The following MERTK variants were observed in gnomAD, a reference collection of about 807,000 sequenced individuals.
MERTK encodes the protein tyrosine-protein kinase Mer.
A neutral mutation model predicts 99.3 loss-of-function variants in MERTK; 69 were observed. The ratio of observed to expected loss-of-function variants is 0.70; its 90% CI spans 0.57 to 0.85. The LOEUF (loss-of-function observed/expected upper bound fraction) is 0.85, where lower values mean the gene tolerates loss of function less well. Among genes scored for constraint, MERTK ranks in the 40% least tolerant of loss-of-function variants. The pLI is 0.00. For missense variants in MERTK, 1,125 were observed against 1,249.4 expected (o/e 0.90, Z 1.50); for synonymous variants, 426 against 467.6 (o/e 0.91, Z 1.15).
At chr2:111,948,870 G>C (rs982819447) in intron 4 of MERTK, among the ~76,000 whole-genome samples, 1 of 151,972 alleles carries the variant, frequency 6.6e-6, no homozygotes, top group African/African-American at 2.4e-5. Flanking sequence ...TCTCCCTTCT[G>C]TCTTAGACTG....
chr2:111,909,916 C>G (rs1041242109), intron 1 of MERTK, among the ~76,000 whole-genome samples: 17 of 152,170 alleles, frequency 1.1e-4, no homozygotes, highest in African/African-American at 3.4e-4. Context: ...CCTGTAATTG[C>G]ACTACTGGTC....
intron 4 of MERTK, among the ~76,000 whole-genome samples, chr2:111,955,681 T>C (rs1685134933): frequency 6.6e-6 from 1 of 152,204 alleles, no homozygotes; most frequent in African/African-American, 2.4e-5. Context: ...GATCTTATCA[T>C]TGGGTAAAGC....
At chr2:111,982,794 G>C in intron 7 of MERTK, 48 bp from the exon 8 acceptor site, 1 of 1,602,264 alleles carries the variant, frequency 6.2e-7, no homozygotes. Context: ...GAATACATCT[G>C]TGTGTGCTTT....
chr2:111,969,284 A>T (rs1169821793), intron 6 of MERTK, among the ~76,000 whole-genome samples: 2 of 152,188 alleles, frequency 1.3e-5, no homozygotes, highest in African/African-American at 4.8e-5. Flanking sequence ...ACCAGAACTC[A>T]AGTCCAGGAA....
intron 15 of MERTK, among the ~76,000 whole-genome samples, chr2:112,010,869 C>T (rs2104413894): frequency 6.6e-6 from 1 of 152,318 alleles, no homozygotes; most frequent in Admixed American, 6.5e-5. Flanking sequence ...CACGCATCTT[C>T]TCTGTTGCAA....
chr2:112,009,630 T>G (rs926070904), intron 14 of MERTK, among the ~76,000 whole-genome samples: 2 of 152,174 alleles, frequency 1.3e-5, no homozygotes, highest in Non-Finnish European at 2.9e-5. Context: ...CCTCCTTATC[T>G]GAAACAAAAA....
chr2:111,949,291 T>C (rs1214956588), intron 4 of MERTK, among the ~76,000 whole-genome samples: 1 of 152,112 alleles, frequency 6.6e-6, no homozygotes, highest in African/African-American at 2.4e-5. Flanking sequence ...AAGAGCTTTG[T>C]CTCTCCCATT....
At chr2:111,912,676 T>TGAGAATACTCCC (rs1309941770) in intron 1 of MERTK, among the ~76,000 whole-genome samples, 2 of 152,216 alleles carry the variant, frequency 1.3e-5, no homozygotes, top group African/African-American at 4.8e-5. Context: ...TAAACAGATC[T>TGAGAATACTCCC]GAGAATACTC....
intron 16 of MERTK, 128 bp from the exon 17 acceptor site, chr2:112,021,294 C>G: frequency 7.4e-7 from 1 of 1,353,154 alleles, no homozygotes; most frequent in Non-Finnish European, 1.0e-6. Flanking sequence ...GCAGCATGCT[C>G]ACAGGCTGGT....
At chr2:111,902,339 A>G (rs1296932467) in intron 1 of MERTK, among the ~76,000 whole-genome samples, 1 of 152,224 alleles carries the variant, frequency 6.6e-6, no homozygotes, top group Non-Finnish European at 1.5e-5. Flanking sequence ...CTGAGCTGGG[A>G]CCTTGAACAC....
rs1372222625 is a variant in MERTK, at chr2:112,003,887, G to C, written c.1787-17G>C. On this transcript the variant is annotated splice_polypyrimidine_tract_variant and intron_variant, in intron 12 of 18. Transcript: ENST00000295408. Reference sequence around the variant, plus strand: ...GAGTTTGCACAGTGTCCATACAGGTGTTCTTTCACTTCACAGGAGAGTTTG... The same window carrying C: ...GAGTTTGCACAGTGTCCATACAGGTCTTCTTTCACTTCACAGGAGAGTTTG... The C allele has an allele frequency of 1.3e-6, 2 of 1,599,130 alleles. No homozygotes were observed. The highest frequency in any genetic ancestry group is 3.3e-5 in the Admixed American group (2 of 59,976).
chr2:111,912,608 A>G (rs1400322), intron 1 of MERTK, among the ~76,000 whole-genome samples: 70,491 of 151,904 alleles, frequency 0.46, 16,521 homozygotes, highest in East Asian at 0.74. Context: ...TGCACATCTT[A>G]TAGGCAGGTT....
At chr2:111,953,597 A>T (rs1408086514) in intron 4 of MERTK, among the ~76,000 whole-genome samples, 1 of 151,392 alleles carries the variant, frequency 6.6e-6, no homozygotes, top group Admixed American at 6.6e-5. Context: ...TTGTTTTGAG[A>T]TGCAGTTTTG....
intron 1 of MERTK, among the ~76,000 whole-genome samples, chr2:111,901,152 G>A (rs1414286911): frequency 1.3e-5 from 2 of 152,110 alleles, no homozygotes; most frequent in African/African-American, 4.8e-5. Context: ...TCTCTGATGG[G>A]GGTGCCATTG....
In MERTK at chr2:112,021,435, A is replaced by T; in HGVS notation, c.2203A>T (p.Met735Leu). Residue 735 changes from methionine to leucine, a missense_variant, in exon 17 of 19, where the codon ATG becomes TTG. Coordinates refer to ENST00000295408, the MANE Select transcript of MERTK (RefSeq NM_006343.3). ...AARNCMLRDD[M>L]TVCVADFGLS... ...TGCTCTCTGTAGGTTGCGAGATGAC[A>T]TGACTGTCTGTGTTGCGGACTTCGG... The T allele has an allele frequency of 6.2e-7, 1 of 1,613,426 alleles. No individual in the cohort carries two copies. The highest frequency in any genetic ancestry group is 1.3e-5 in the African/African-American group (1 of 75,012).
chr2:112,017,068 C>T (rs1000126182), intron 15 of MERTK, among the ~76,000 whole-genome samples: 2 of 152,180 alleles, frequency 1.3e-5, no homozygotes, highest in African/African-American at 2.4e-5. Context: ...GGGACTCAAG[C>T]GGGTTGCCAC....
chr2:111,980,933 A>G (rs1027549821), intron 7 of MERTK, among the ~76,000 whole-genome samples: 7 of 152,068 alleles, frequency 4.6e-5, no homozygotes, highest in Non-Finnish European at 1.0e-4. Context: ...TTGTGAGTTT[A>G]TATCTTTTTA....
At chr2:111,993,778 C>G (rs1676678907) in intron 8 of MERTK, among the ~76,000 whole-genome samples, 1 of 152,054 alleles carries the variant, frequency 6.6e-6, no homozygotes, top group Non-Finnish European at 1.5e-5. Context: ...AGTGTCAGTG[C>G]CCTCTTCCAG....
intron 14 of MERTK, chr2:112,008,752 C>G (rs1677038486): frequency 1.9e-6 from 1 of 517,108 alleles, no homozygotes; most frequent in African/African-American, 1.9e-5. Context: ...TCCTCAGTTA[C>G]TCAAAGGCAA....
Sources: allele counts gnomAD v4.1 joint callset (sites outside exome capture counted in the v4.1 genomes callset), GRCh38; gene constraint gnomAD v4.1.1; transcripts MANE v1.5; gene names NCBI Gene and HGNC (gene_info 2026-07-23, HGNC 2026-07-21).